Variants in ZNF263 observed in about 807,000 individuals in gnomAD.
The protein encoded by ZNF263 is zinc finger protein 263.
ZNF263 carries 49 observed loss-of-function variants against 63.1 expected under a neutral mutation model. The ratio of observed to expected loss-of-function variants is 0.78; its 90% CI spans 0.62 to 0.99. The LOEUF is 0.99. Among genes scored for constraint, ZNF263 ranks in the 50% least tolerant of loss-of-function variants. The probability of loss-of-function intolerance (pLI) is 0.00; values close to 1 mark genes in which losing one functional copy is unlikely to be tolerated. For synonymous variants in ZNF263, 352 were observed against 324.2 expected (o/e 1.09, Z -0.92); for missense variants, 872 against 854.8 (o/e 1.02, Z -0.25).
chr16:3,299,961 T>C, intron 2 of ZNF263: 1 of 1,613,714 alleles, frequency 6.2e-7, no homozygotes, highest in East Asian at 2.2e-5. Flanking sequence ...GAGTTCCGTC[T>C]GCATTTGCAC....
intron 2 of ZNF263, 60 bp from the exon 3 acceptor site, chr16:3,285,621 A>G: frequency 1.9e-6 from 3 of 1,549,874 alleles, no homozygotes; most frequent in Non-Finnish European, 2.7e-6. Flanking sequence ...GTGTTTTAAT[A>G]ATCCTTGGGT....
chr16:3,297,227 G>C (rs1402763994), intron 1 of ZNF263, among the ~76,000 whole-genome samples: 3 of 150,404 alleles, frequency 2.0e-5, no homozygotes, highest in African/African-American at 2.5e-5. Flanking sequence ...CTGGGAGGTG[G>C]AGGTTGCAGC....
chr16:3,290,703 C>T lies in ZNF263; in HGVS notation c.*145C>T, dbSNP rs1386254946. Reference sequence around the variant, plus strand: ...GCTCATTGTGAGGGAGGTGCAGAGGCAGCAGAGGATTGGCATAAAACTGAA... The same window carrying T: ...GCTCATTGTGAGGGAGGTGCAGAGGTAGCAGAGGATTGGCATAAAACTGAA... On this transcript the variant is annotated 3_prime_UTR_variant, in exon 6 of 6. Coordinates refer to ENST00000219069, the MANE Select transcript of ZNF263 (RefSeq NM_005741.5). 2 of 1,434,556 alleles carry T rather than the reference C, an allele frequency of 1.4e-6. No individual in the cohort carries two copies. The highest frequency in any genetic ancestry group is 2.9e-5 in the Admixed American group (1 of 34,512). 88.9% of individuals were successfully genotyped at this position (1,434,556 alleles called of 1,614,324 possible). A position where few individuals can be genotyped will look rare whatever the true frequency, so the allele number is the denominator to read the frequency against.
chr16:3,300,315 G>A (rs547017663), intron 2 of ZNF263: 29 of 1,614,198 alleles, frequency 1.8e-5, no homozygotes, highest in African/African-American at 1.1e-4. Context: ...GAAGCTCCAC[G>A]CCTCTTACCG....
At chr16:3,286,967 A>G (rs765993) in intron 4 of ZNF263, 32,527 of 152,130 alleles carry the variant, frequency 0.21, 4,378 homozygotes, top group Non-Finnish European at 0.3. Context: ...TGGTAGTCCC[A>G]GTTACTCAGG....
At chr16:3,297,293 CAA>C (rs528444112) in intron 1 of ZNF263, among the ~76,000 whole-genome samples, 14 of 53,804 alleles carry the variant, frequency 2.6e-4, no homozygotes, top group African/African-American at 1.8e-4. Context: ...GACTCCATCT[CAA>C]AAAAAAAAAA....
chr16:3,283,920 A>G lies in ZNF263; in HGVS notation c.102A>G (p.Gly34=). 1 of 1,613,594 alleles carries G rather than the reference A, an allele frequency of 6.2e-7. No individual in the cohort carries two copies. Among genetic ancestry groups the G allele is most frequent in the Non-Finnish European group, 8.5e-7 (1 of 1,179,968 alleles). Residue 34 remains glycine (G), a synonymous_variant, in exon 1 of 6, where the codon GGA becomes GGG. Transcript: ENST00000219069. ...AGGAGCTGCCCCCACCTGACCCAGG[A>G]CCGAGCCCCGAGGCCTCCCACTTGC... ...WSQELPPPDP[G]PSPEASHLRF...
chr16:3,293,478 C>G (rs945138665), downstream of ZNF263: 1 of 152,260 alleles, frequency 6.6e-6, no homozygotes, highest in African/African-American at 2.4e-5. Context: ...AGTGCTTTTT[C>G]ACATTAATAC....
chr16:3,285,130 A>G lies in ZNF263; in HGVS notation c.459A>G (p.Ser153=). 2 of 1,614,148 alleles carry G rather than the reference A, an allele frequency of 1.2e-6. No individual in the cohort carries two copies. Among genetic ancestry groups the G allele is most frequent in the Non-Finnish European group, 1.7e-6 (2 of 1,180,028 alleles). The change falls in exon 2 of 6, where the codon TCA becomes TCG. Residue 153 remains serine, a synonymous_variant. Transcript: ENST00000219069. ...EPLPLETARE[S]PSFKLEPMET... is the part of the protein sequence containing the mutation. ...TGCCTCTGGAAACAGCACGAGAGTC[A>G]CCGAGCTTCAAGCTGGAGCCAATGG...
intron 4 of ZNF263, 133 bp from the exon 5 acceptor site, chr16:3,288,321 A>G: frequency 1.4e-6 from 1 of 702,832 alleles, no homozygotes; most frequent in South Asian, 1.5e-5. Context: ...CAGTTTGTGT[A>G]TATTCCAAGT....
downstream of ZNF263, among the ~76,000 whole-genome samples, chr16:3,295,424 A>C (rs1280770419): frequency 2.0e-5 from 3 of 152,070 alleles, no homozygotes; most frequent in Non-Finnish European, 4.4e-5. Context: ...CGGGCGGTGT[A>C]TGGTGGCTCC....
chr16:3,291,398 G>C lies in ZNF263; in HGVS notation c.*840G>C, dbSNP rs187193247. 1 of 985,408 alleles carries C rather than the reference G, an allele frequency of 1.0e-6. No homozygotes were observed. Among genetic ancestry groups the C allele is most frequent in the Admixed American group, 6.1e-5 (1 of 16,282 alleles). 61.0% of individuals were successfully genotyped at this position (985,408 alleles called of 1,614,324 possible). On this transcript the variant is annotated 3_prime_UTR_variant, in exon 6 of 6. Transcript: ENST00000219069. ...AAATGTGAATCCTAGGGGGAAATTG[G>C]GGATTGTGTCTTTCCCTGTTGAAAA...
At chr16:3,291,656 A>C (rs1046412592), downstream of ZNF263, among the ~76,000 whole-genome samples, 1 of 152,218 alleles carries the variant, frequency 6.6e-6, no homozygotes, top group African/African-American at 2.4e-5. Flanking sequence ...ATGTGGTAAC[A>C]AAGGGTCAAG....
At position 3,290,356 on chromosome 16, in the gene ZNF263, A is replaced by G. The variant is rs1359661008; in HGVS notation, c.1850A>G (p.Asn617Ser). 1.9e-6 allele frequency: 3 copies of G among 1,614,034 alleles called. No individual in the cohort carries two copies. Among genetic ancestry groups the G allele is most frequent in the Admixed American group, 1.7e-5 (1 of 60,006 alleles). The change falls in exon 6 of 6, where the codon AAT (asparagine) becomes AGT (serine). Residue 617 changes from asparagine (N) to serine (S), a missense_variant. Asn to Ser is a conservative substitution (Grantham distance 46). Coordinates refer to ENST00000219069, the MANE Select transcript of ZNF263 (RefSeq NM_005741.5). ...GGGGAAAACTTCTCTCATAGATCCA[A>G]TTTAATCAGGCACCAGAGAATCCAC... ...LCGENFSHRS[N>S]LIRHQRIHTG...
chr16:3,289,249 G>A, intron 5 of ZNF263, 144 bp from the exon 6 acceptor site: 1 of 782,056 alleles, frequency 1.3e-6, no homozygotes. Flanking sequence ...TCTCCAGAGT[G>A]CTTTACCTTT....
intron 1 of ZNF263, among the ~76,000 whole-genome samples, chr16:3,297,646 A>G (rs187040869): frequency 1.3e-5 from 2 of 151,836 alleles, no homozygotes; most frequent in Non-Finnish European, 2.9e-5. Context: ...TTGTATTTTT[A>G]GTAGAAACGG....
chr16:3,292,211 TGAA>T (rs1403326852), downstream of ZNF263, among the ~76,000 whole-genome samples: 3 of 152,272 alleles, frequency 2.0e-5, no homozygotes, highest in East Asian at 5.8e-4. Context: ...GTGAAAAAGA[TGAA>T]GAAACAGTCC....
rs1959561294 is a variant in ZNF263 at position 3,290,278 on chromosome 16, C to G, written c.1772C>G (p.Thr591Ser). 1 of 1,613,912 alleles carries G rather than the reference C, an allele frequency of 6.2e-7. No individual in the cohort carries two copies. ...GKSFRQGMHLTRHQRTHTGEK... is the reference protein window; with the variant it reads ...GKSFRQGMHLSRHQRTHTGEK... ...AGCTTCCGGCAGGGCATGCACCTCACCAGACATCAGAGAACACACACAGGA... is the reference window on the plus strand; with the variant it reads ...AGCTTCCGGCAGGGCATGCACCTCAGCAGACATCAGAGAACACACACAGGA... The change falls in exon 6 of 6, where the codon ACC becomes AGC. Residue 591 changes from threonine (T) to serine (S), a missense_variant. Physicochemically the swap from Thr to Ser is moderately conservative, Grantham distance 58. Transcript: ENST00000219069.
At chr16:3,285,856 C>A in intron 3 of ZNF263, 102 bp downstream of exon 3, 1 of 1,512,566 alleles carries the variant, frequency 6.6e-7, no homozygotes, top group Non-Finnish European at 9.2e-7. Context: ...CTTACCACAG[C>A]GTCTCCCCCA....
Sources: allele counts gnomAD v4.1 joint callset (sites outside exome capture counted in the v4.1 genomes callset), GRCh38; gene constraint gnomAD v4.1.1; transcripts MANE v1.5; gene names NCBI Gene and HGNC (gene_info 2026-07-23, HGNC 2026-07-21).